The following AIG1 variants were observed in gnomAD, a reference collection of about 807,000 sequenced individuals.
The protein encoded by AIG1 is androgen induced 1.
AIG1 carries 23 observed loss-of-function variants against 31.4 expected under a neutral mutation model. That is an observed-to-expected ratio of 0.73 (90% CI 0.53 to 1.04). The LOEUF is 1.04. Among genes scored for constraint, AIG1 ranks in the 50% least tolerant of loss-of-function variants. The probability of loss-of-function intolerance (pLI) is 0.00; values close to 1 mark genes in which losing one functional copy is unlikely to be tolerated. For missense variants in AIG1, 274 were observed against 295.0 expected, an observed-to-expected ratio of 0.93 and a Z score of 0.52; for synonymous variants, 100 against 110.5, an observed-to-expected ratio of 0.90 and a Z score of 0.60.
chr6:143,153,535 G>A (rs1785444506), intron 2 of AIG1, among the ~76,000 whole-genome samples: 1 of 152,096 alleles, frequency 6.6e-6, no homozygotes, highest in East Asian at 1.9e-4. Flanking sequence ...TTTTAGTACA[G>A]ACGGGATTTC....
chr6:143,322,210 C>T (rs1021256144), intron 4 of AIG1, among the ~76,000 whole-genome samples: 1 of 152,146 alleles, frequency 6.6e-6, no homozygotes, highest in African/African-American at 2.4e-5. Flanking sequence ...ATTATCATGG[C>T]TGGGATATCA....
At chr6:143,239,793 C>T (rs960145086) in intron 3 of AIG1, among the ~76,000 whole-genome samples, 6 of 152,140 alleles carry the variant, frequency 3.9e-5, no homozygotes, top group Non-Finnish European at 8.8e-5. Flanking sequence ...CAGAGGGTGG[C>T]CTATGTGTTG....
At chr6:143,225,725 C>T (rs989673327) in intron 3 of AIG1, among the ~76,000 whole-genome samples, 1 of 152,178 alleles carries the variant, frequency 6.6e-6, no homozygotes, top group Non-Finnish European at 1.5e-5. Flanking sequence ...AAAGTCAGAA[C>T]CTGCTTACAA....
intron 2 of AIG1, among the ~76,000 whole-genome samples, chr6:143,143,359 G>C (rs1020471538): frequency 1.0e-4 from 15 of 149,414 alleles, no homozygotes; most frequent in African/African-American, 3.7e-4. Flanking sequence ...AAATTAGCCG[G>C]GCTTGGTGGC....
At chr6:143,243,324 A>G (rs1363729050) in intron 3 of AIG1, among the ~76,000 whole-genome samples, 2 of 152,268 alleles carry the variant, frequency 1.3e-5, no homozygotes, top group East Asian at 1.9e-4. Flanking sequence ...AAATAATTCT[A>G]GAATGCATCA....
chr6:143,096,264 A>T (rs1355102986), intron 1 of AIG1, among the ~76,000 whole-genome samples: 1 of 152,186 alleles, frequency 6.6e-6, no homozygotes, highest in Non-Finnish European at 1.5e-5. Flanking sequence ...ATCTGGCCAG[A>T]TATTTCCTAC....
intron 3 of AIG1, among the ~76,000 whole-genome samples, chr6:143,178,334 C>T (rs1321542917): frequency 6.6e-6 from 1 of 152,152 alleles, no homozygotes; most frequent in Non-Finnish European, 1.5e-5. Flanking sequence ...CTGGTGGTGG[C>T]TCTGCTCTCA....
chr6:143,067,787 C>T (rs1342097928), intron 1 of AIG1, among the ~76,000 whole-genome samples: 2 of 152,050 alleles, frequency 1.3e-5, no homozygotes, highest in Non-Finnish European at 2.9e-5. Context: ...ACTCAGGGAA[C>T]AAAATTAGGT....
chr6:143,196,863 AGCATAAAAT>A (rs1790284111), intron 3 of AIG1, among the ~76,000 whole-genome samples: 1 of 152,214 alleles, frequency 6.6e-6, no homozygotes, highest in African/African-American at 2.4e-5. Context: ...ACTCTTCAGG[AGCATAAAAT>A]GTTATTGAAT....
rs747044610 is a variant in AIG1 at position 143,136,940 on chromosome 6, A to G, written c.247A>G (p.Ile83Val). 2 of 1,531,234 alleles carry G rather than the reference A, an allele frequency of 1.3e-6. No homozygotes were observed. Among genetic ancestry groups the G allele is most frequent in the South Asian group, 1.3e-5 (1 of 79,836 alleles). 94.9% of individuals were successfully genotyped at this position (1,531,234 alleles called of 1,614,324 possible). Reference protein sequence around the residue: ...QEQERQLKKLISLRDWMLAVL... With the variant: ...QEQERQLKKLVSLRDWMLAVL... ...GCAAGAGAGGCAGCTCAAGAAGCTC[A>G]TCTCTCTCCGGGACTGGATGTTAGC... is the stretch of plus-strand genomic sequence containing the variant. Residue 83 changes from isoleucine to valine, a missense_variant, in exon 2 of 6, where the codon ATC (isoleucine) becomes GTC (valine). Around this residue, in one of 2 missense-constraint regions of AIG1, gnomAD observed 243 missense variants for 238.5 expected, o/e 1.02. Coordinates refer to ENST00000357847, the MANE Select transcript of AIG1 (RefSeq NM_016108.4).
chr6:143,128,956 C>A (rs9376724), intron 1 of AIG1, among the ~76,000 whole-genome samples: 1 of 152,164 alleles, frequency 6.6e-6, no homozygotes, highest in Non-Finnish European at 1.5e-5. Flanking sequence ...GAAATAGTAG[C>A]ATAACCCAAA....
intron 2 of AIG1, among the ~76,000 whole-genome samples, chr6:143,148,100 T>TCCAA (rs1554250555): frequency 6.6e-6 from 1 of 152,056 alleles, no homozygotes; most frequent in East Asian, 1.9e-4. Flanking sequence ...ACCCTAACAC[T>TCCAA]CCAACTAACG....
intron 4 of AIG1, among the ~76,000 whole-genome samples, chr6:143,315,789 C>T (rs894031681): frequency 6.6e-6 from 1 of 151,862 alleles, no homozygotes; most frequent in African/African-American, 2.4e-5. Context: ...CATGAGAAAA[C>T]AATAATAATC....
In AIG1 at chr6:143,326,035, C is replaced by T. The variant is rs181032406; in HGVS notation, c.516-7247C>T. On this transcript the variant is annotated intron_variant, in intron 4 of 5. Transcript: ENST00000357847. This position sits in a 1 kb window ranked among gnomAD's most constrained non-coding sequence, Gnocchi z 4.5. Reference sequence around the variant, plus strand: ...CCAGCACGCCACACTCATGACTCAACAGTTTGATAGACACTGGTCTAAGTG... The same window carrying T: ...CCAGCACGCCACACTCATGACTCAATAGTTTGATAGACACTGGTCTAAGTG... Among the ~76,000 whole-genome samples, 4 of 152,332 alleles carry T rather than the reference C, an allele frequency of 2.6e-5. No homozygotes were observed. The East Asian group carries it at 5.8e-4, about 22-fold the overall frequency.
intron 1 of AIG1, among the ~76,000 whole-genome samples, chr6:143,113,865 C>G (rs1781506534): frequency 6.6e-6 from 1 of 151,886 alleles, no homozygotes; most frequent in Admixed American, 6.6e-5. Context: ...AGCTCTGCCT[C>G]CCGGGTTCAT....
At chr6:143,182,000 A>ACT (rs1285682626) in intron 3 of AIG1, among the ~76,000 whole-genome samples, 3 of 150,952 alleles carry the variant, frequency 2.0e-5, no homozygotes, top group Non-Finnish European at 3.0e-5. Flanking sequence ...TCTTTCTCTC[A>ACT]CTCTCTCTCT....
chr6:143,210,697 C>T (rs1562492504), intron 3 of AIG1, among the ~76,000 whole-genome samples: 2 of 151,982 alleles, frequency 1.3e-5, no homozygotes, highest in African/African-American at 4.8e-5. Context: ...ACTAAAGTGC[C>T]GTAAATCAGT....
Position 143,334,210 on chromosome 6 carries a change from G to A in AIG1, c.679+765G>A. The A allele has an allele frequency of 9.7e-7, 1 of 1,028,054 alleles. No homozygotes were observed. The highest frequency in any genetic ancestry group is 1.4e-6 in the Non-Finnish European group (1 of 725,524). 63.7% of individuals were successfully genotyped at this position (1,028,054 alleles called of 1,614,324 possible). A position where few individuals can be genotyped will look rare whatever the true frequency, so the allele number is the denominator to read the frequency against. On this transcript the variant is annotated intron_variant, in intron 5 of 5. Transcript: ENST00000357847. This position sits in a 1 kb window ranked among gnomAD's most constrained non-coding sequence, Gnocchi z 5.1. ...GACATGTAGTGATTGAGTCCTGCAT[G>A]AAAATACATCCAAAGGCAAGATGGT...
intron 1 of AIG1, among the ~76,000 whole-genome samples, chr6:143,110,081 C>A (rs984644414): frequency 6.6e-6 from 1 of 152,104 alleles, no homozygotes; most frequent in Admixed American, 6.5e-5. Context: ...CATTTTTTCT[C>A]ACATGGGTAT....
Sources: allele counts gnomAD v4.1 joint callset (sites outside exome capture counted in the v4.1 genomes callset), GRCh38; gene constraint gnomAD v4.1.1; regional missense constraint gnomAD v4.1.1; non-coding constraint Gnocchi (gnomAD v3.1); transcripts MANE v1.5; gene names NCBI Gene and HGNC (gene_info 2026-07-23, HGNC 2026-07-21).